The following CACNA1G variants were observed in gnomAD, a reference collection of about 807,000 sequenced individuals.
The protein encoded by CACNA1G is voltage-dependent T-type calcium channel subunit alpha-1G.
A neutral mutation model predicts 219.4 loss-of-function variants in CACNA1G; 67 were observed. The observed-to-expected ratio is 0.31, with a 90% CI of 0.25 to 0.37. The LOEUF is 0.37. CACNA1G is among the 10% of genes least tolerant of loss of function. The probability of loss-of-function intolerance (pLI) is 1.00; values close to 1 mark genes in which losing one functional copy is unlikely to be tolerated. For synonymous variants in CACNA1G, 1,296 were observed against 1,345.3 expected (o/e 0.96, Z 0.80); for missense variants, 2,380 against 3,231.4 (o/e 0.74, Z 6.39).
At chr17:50,601,568 G>C (rs1321344163) in intron 19 of CACNA1G, among the ~76,000 whole-genome samples, 1 of 152,202 alleles carries the variant, frequency 6.6e-6, no homozygotes, top group Non-Finnish European at 1.5e-5. Context: ...GCCGTTCTTT[G>C]CTCCTGGTCA....
Position 50,604,140 on chromosome 17 carries a change from C to T in CACNA1G, c.4170-15C>T. On this transcript the variant is annotated splice_polypyrimidine_tract_variant and intron_variant, in intron 21 of 37. Transcript: ENST00000359106. ...CTGGGGGAAGCCTTATCACCTCCCT[C>T]CCTCCCCTCCCCAGGGTGATCAGCC... 6.2e-7 allele frequency: 1 copy of T among 1,610,708 alleles called. No individual in the cohort carries two copies. Among genetic ancestry groups the T allele is most frequent in the Non-Finnish European group, 8.5e-7 (1 of 1,177,834 alleles).
intron 1 of CACNA1G, among the ~76,000 whole-genome samples, chr17:50,568,666 G>A (rs1018013693): frequency 1.3e-5 from 2 of 152,206 alleles, no homozygotes; most frequent in African/African-American, 4.8e-5. Flanking sequence ...GGTCCAGAGA[G>A]GTGAGATGAC....
intron 4 of CACNA1G, among the ~76,000 whole-genome samples, chr17:50,570,317 C>T (rs758892250): frequency 2.6e-5 from 4 of 152,078 alleles, no homozygotes; most frequent in Non-Finnish European, 4.4e-5. Context: ...CAGTAACTGC[C>T]GGGCCCATTA....
intron 9 of CACNA1G, among the ~76,000 whole-genome samples, chr17:50,581,606 C>T (rs779838145): frequency 1.2e-4 from 19 of 152,228 alleles, no homozygotes; most frequent in Admixed American, 3.9e-4. Flanking sequence ...TACCCCACCC[C>T]GCCCGGGGCT....
chr17:50,585,249 G>A (rs982606428), intron 9 of CACNA1G, among the ~76,000 whole-genome samples: 8 of 152,118 alleles, frequency 5.3e-5, no homozygotes, highest in Non-Finnish European at 1.0e-4. Flanking sequence ...GGGCTCAAGC[G>A]ATCCTCCCAC....
intron 5 of CACNA1G, 125 bp from the exon 6 acceptor site, chr17:50,572,429 C>T: frequency 1.3e-6 from 1 of 784,322 alleles, no homozygotes; most frequent in South Asian, 1.9e-5. Context: ...GTCCCTTCCC[C>T]ATTCTTGGTT....
chr17:50,623,794 C>G, intron 35 of CACNA1G, 113 bp from the exon 36 acceptor site: 1 of 1,130,104 alleles, frequency 8.8e-7, no homozygotes, highest in Non-Finnish European at 1.3e-6. Context: ...TGGGAGGGCA[C>G]GGGGGTGAGG....
rs1410019149 is a variant in CACNA1G, at chr17:50,576,002, C to T, written c.1600C>T (p.Leu534=). 3.2e-6 allele frequency: 5 copies of T among 1,556,442 alleles called. No homozygotes were observed. The highest frequency in any genetic ancestry group is 4.3e-6 in the Non-Finnish European group (5 of 1,150,706). Residue 534 remains leucine (L), a synonymous_variant, in exon 8 of 38, where the codon CTG becomes TTG. Transcript: ENST00000359106. ...RDANGSRRLM[L]PPPSTPALSG... ...TGCCAATGGGTCCCGCCGGCTCATG[C>T]TGCCACCACCCTCGACGCCTGCCCT... is the stretch of plus-strand genomic sequence containing the variant.
intron 14 of CACNA1G, among the ~76,000 whole-genome samples, chr17:50,595,865 A>G (rs942424507): frequency 1.3e-5 from 2 of 152,270 alleles, no homozygotes; most frequent in Non-Finnish European, 2.9e-5. Context: ...ATTACCCAAT[A>G]TTTATGTCCT....
rs1270048707 is a variant in CACNA1G at position 50,561,625 on chromosome 17, C to A, written c.166C>A (p.Leu56Met). ...GGCGGAGGGGCTGCCGTACCCGGCG[C>A]TGGCCCCGGTGGTTTTCTTCTACTT... ...SEAEGLPYPALAPVVFFYLSQ... is the reference protein window; with the variant it reads ...SEAEGLPYPAMAPVVFFYLSQ... The change falls in exon 1 of 38, where the codon CTG (leucine) becomes ATG (methionine). Residue 56 changes from leucine (L) to methionine (M), a missense_variant. Leu to Met is a conservative substitution (Grantham distance 15). Transcript: ENST00000359106. 6.2e-7 allele frequency: 1 copy of A among 1,600,438 alleles called. No individual in the cohort carries two copies. The highest frequency in any genetic ancestry group is 1.3e-5 in the African/African-American group (1 of 74,724).
In CACNA1G at chr17:50,578,478, A is replaced by G. The variant is rs577587435; in HGVS notation, c.2215A>G (p.Ile739Val). Residue 739 changes from isoleucine (I) to valine (V), a missense_variant, in exon 9 of 38, where the codon ATT (isoleucine) becomes GTT (valine). This residue lies in a region of CACNA1G where 434 missense variants were observed against 417.3 expected (regional missense o/e 1.04). Coordinates refer to ENST00000359106, the MANE Select transcript of CACNA1G (RefSeq NM_018896.5). The surrounding 1 kb of genome is among the most constrained non-coding windows in gnomAD (Gnocchi z 4.5). The stretch of plus-strand genomic sequence containing the variant: ...GCTAATCTGTGACACCTTCCGAAAG[A>G]TTGTGGACAGCAAGTACTTTGGCCG... ...WRLICDTFRK[I>V]VDSKYFGRGI... 6 of 1,594,926 alleles carry G rather than the reference A, an allele frequency of 3.8e-6. No homozygotes were observed. In the East Asian group the frequency reaches 1.1e-4, roughly 30 times the overall value.
chr17:50,593,971 G>A (rs1052426111), intron 13 of CACNA1G, among the ~76,000 whole-genome samples: 1 of 152,218 alleles, frequency 6.6e-6, no homozygotes, highest in Non-Finnish European at 1.5e-5. Flanking sequence ...GGGGCCCCAC[G>A]GTCTGGCAGG....
chr17:50,607,824 C>T lies in CACNA1G; in HGVS notation c.4513-3C>T. ...TCCGCCTGTCCTTCCTGCTCCCCGC[C>T]AGCCCATCATGAACCACAACCCCTG... is the stretch of plus-strand genomic sequence containing the variant. On this transcript the variant is annotated splice_region_variant and splice_polypyrimidine_tract_variant and intron_variant, in intron 24 of 37. Coordinates refer to ENST00000359106, the MANE Select transcript of CACNA1G (RefSeq NM_018896.5). 1 of 1,613,182 alleles carries T rather than the reference C, an allele frequency of 6.2e-7. No individual in the cohort carries two copies. The highest frequency in any genetic ancestry group is 8.5e-7 in the Non-Finnish European group (1 of 1,179,640).
At chr17:50,572,511 C>T in intron 5 of CACNA1G, 43 bp from the exon 6 acceptor site, 9 of 1,460,938 alleles carry the variant, frequency 6.2e-6, no homozygotes, top group Non-Finnish European at 8.2e-6. Flanking sequence ...CCCTGGAGAG[C>T]CCACTCCCCA....
chr17:50,573,979 C>A (rs1351512007), intron 7 of CACNA1G, among the ~76,000 whole-genome samples: 1 of 152,232 alleles, frequency 6.6e-6, no homozygotes, highest in Non-Finnish European at 1.5e-5. Flanking sequence ...TCTGACCCTA[C>A]CAGACGCTTT....
At chr17:50,591,718 G>A (rs753935909) in intron 11 of CACNA1G, 21 bp from the exon 12 acceptor site, 1 of 1,613,156 alleles carries the variant, frequency 6.2e-7, no homozygotes, top group South Asian at 1.1e-5. Flanking sequence ...TCCCTAGCTT[G>A]TGGCCCCCTT....
intron 34 of CACNA1G, 47 bp downstream of exon 34, chr17:50,619,873 T>C: frequency 2.7e-6 from 4 of 1,507,514 alleles, no homozygotes; most frequent in Non-Finnish European, 3.5e-6. Context: ...CGTGCTGGGC[T>C]GTGCCACGCT....
intron 26 of CACNA1G, 26 bp downstream of exon 26, chr17:50,609,961 T>C: frequency 6.2e-7 from 1 of 1,602,136 alleles, no homozygotes; most frequent in Non-Finnish European, 8.5e-7. Flanking sequence ...TGTGGGCTCA[T>C]GCGTGTGGGG....
In CACNA1G at chr17:50,626,699, A is replaced by T. The variant is rs746579625; in HGVS notation, c.7082A>T (p.Asp2361Val). The change falls in exon 38 of 38, where the codon GAT (aspartate) becomes GTT (valine). Residue 2361 changes from aspartate to valine, a missense_variant. Transcript: ENST00000359106. The surrounding 1 kb of genome is among the most constrained non-coding windows in gnomAD (Gnocchi z 4.3). ...SMAASPSPKKDVLSLSGLSSD... is the reference protein window; with the variant it reads ...SMAASPSPKKVVLSLSGLSSD... ...GCTGCCTCGCCCTCCCCAAAGAAAG[A>T]TGTGCTGAGTCTCTCCGGTTTATCC... 8.1e-5 allele frequency: 131 copies of T among 1,613,038 alleles called. No homozygotes were observed. Among genetic ancestry groups the T allele is most frequent in the Non-Finnish European group, 1.1e-4 (126 of 1,179,858 alleles).
Sources: gnomAD v4.1 joint callset for allele counts (sites outside exome capture counted in the v4.1 genomes callset) on GRCh38, gnomAD v4.1.1 for gene constraint, gnomAD v4.1.1 regional missense constraint, Gnocchi (gnomAD v3.1) non-coding constraint, MANE v1.5 for transcripts, NCBI Gene and HGNC (gene_info 2026-07-23, HGNC 2026-07-21) for gene names.